COL4A6: variants seen among roughly 807,000 people sequenced by gnomAD.
The protein encoded by COL4A6 is collagen alpha-6(IV) chain.
In COL4A6, 59 loss-of-function variants were observed where a neutral mutation model predicts 126.7. The ratio of observed to expected loss-of-function variants is 0.47; its 90% CI spans 0.38 to 0.58. The LOEUF is 0.58. COL4A6 is among the 20% of genes least tolerant of loss of function. The pLI, the probability that COL4A6 is intolerant of heterozygous loss-of-function variation, is 0.00. For missense variants in COL4A6, 1,285 were observed against 1,337.3 expected, an observed-to-expected ratio of 0.96 and a Z score of 0.61; for synonymous variants, 547 against 496.6, an observed-to-expected ratio of 1.10 and a Z score of -1.35.
intron 3 of COL4A6, among the ~76,000 whole-genome samples, chrX:108,245,811 A>G (rs1383683057): frequency 8.9e-6 from 1 of 111,960 alleles, no homozygotes; most frequent in East Asian, 2.8e-4. Flanking sequence ...TCTGAGATGC[A>G]ACTCAAATGA....
intron 28 of COL4A6, among the ~76,000 whole-genome samples, 194 bp from the exon 29 acceptor site, chrX:108,175,991 C>A (rs2034474262): frequency 9.0e-6 from 1 of 110,649 alleles, no homozygotes; most frequent in Non-Finnish European, 1.9e-5. Context: ...TACTACCTTC[C>A]TGAATAGGGA....
At chrX:108,402,644 C>G (rs2148210650) in intron 2 of COL4A6, among the ~76,000 whole-genome samples, 1 of 110,907 alleles carries the variant, frequency 9.0e-6, no homozygotes, top group South Asian at 3.8e-4. Flanking sequence ...GTATAAATCT[C>G]ATTACATGCT....
chrX:108,387,451 C>G (rs2040726794), intron 2 of COL4A6, among the ~76,000 whole-genome samples: 3 of 111,221 alleles, frequency 2.7e-5, no homozygotes, highest in Admixed American at 9.6e-5. Context: ...AGTTGGATTC[C>G]TAGGTATTTT....
At chrX:108,265,987 T>C (rs1326475435) in intron 3 of COL4A6, among the ~76,000 whole-genome samples, 1 of 111,468 alleles carries the variant, frequency 9.0e-6, no homozygotes, top group Non-Finnish European at 1.9e-5. Context: ...CAGAACTATA[T>C]GTACTATAGA....
intron 2 of COL4A6, among the ~76,000 whole-genome samples, chrX:108,348,035 G>A (rs147737002): frequency 3.8e-3 from 420 of 111,214 alleles, no homozygotes; most frequent in Non-Finnish European, 6.1e-3. Flanking sequence ...GATGACCTCG[G>A]GTCTCAGAGG....
At chrX:108,248,347 G>T (rs1471528159) in intron 3 of COL4A6, among the ~76,000 whole-genome samples, 1 of 111,312 alleles carries the variant, frequency 9.0e-6, no homozygotes, top group East Asian at 2.8e-4. Context: ...ACTTCACTCT[G>T]TGGTCTGAAG....
intron 3 of COL4A6, among the ~76,000 whole-genome samples, chrX:108,302,219 A>C (rs951302205): frequency 8.9e-6 from 1 of 111,798 alleles, no homozygotes; most frequent in Non-Finnish European, 1.9e-5. Flanking sequence ...ACAATAAATA[A>C]AAAGTGTAAA....
intron 2 of COL4A6, among the ~76,000 whole-genome samples, chrX:108,357,579 A>G (rs1331571504): frequency 9.0e-6 from 1 of 111,422 alleles, no homozygotes; most frequent in East Asian, 2.8e-4. Flanking sequence ...ACTGAATCCA[A>G]CTTCCTTACC....
chrX:108,402,173 T>C (rs1178335171), intron 2 of COL4A6, among the ~76,000 whole-genome samples: 1 of 111,392 alleles, frequency 9.0e-6, no homozygotes, highest in Non-Finnish European at 1.9e-5. Flanking sequence ...CTGGAAAATC[T>C]GTATAAAGAC....
At chrX:108,175,256 G>T in intron 29 of COL4A6, 41 bp from the exon 30 acceptor site, 1 of 1,127,080 alleles carries the variant, frequency 8.9e-7, no homozygotes, top group South Asian at 2.3e-5. Flanking sequence ...GAGCTTAGAC[G>T]CAGGGTCAGG....
intron 35 of COL4A6, 111 bp from the exon 36 acceptor site, chrX:108,170,127 T>G (rs955763372): frequency 4.6e-6 from 3 of 648,924 alleles, no homozygotes; most frequent in Non-Finnish European, 7.2e-6. Flanking sequence ...TTTAAAGTCC[T>G]GGTCTTTTTT....
At chrX:108,159,885 T>C in intron 43 of COL4A6, 137 bp from the exon 44 acceptor site, 2 of 644,441 alleles carry the variant, frequency 3.1e-6, no homozygotes, top group Admixed American at 5.0e-5. Flanking sequence ...ACATTGTACA[T>C]GTGCTGAAGT....
chrX:108,218,386 A>G (rs1329167922), intron 5 of COL4A6, among the ~76,000 whole-genome samples: 2 of 112,476 alleles, frequency 1.8e-5, no homozygotes, highest in Non-Finnish European at 3.8e-5. Flanking sequence ...AGGATGGCCA[A>G]CCCTGTCCGC....
chrX:108,224,617 A>T (rs1473871284), intron 3 of COL4A6, among the ~76,000 whole-genome samples: 1 of 111,384 alleles, frequency 9.0e-6, no homozygotes, highest in East Asian at 2.8e-4. Context: ...GTCCTTTCAT[A>T]CACTGGCACA....
At chrX:108,322,337 G>C (rs1181390871) in intron 2 of COL4A6, among the ~76,000 whole-genome samples, 4 of 112,036 alleles carry the variant, frequency 3.6e-5, no homozygotes, top group Non-Finnish European at 7.5e-5. Flanking sequence ...ATCTGTGGGA[G>C]CTGGCTTCCT....
chrX:108,160,699 A>T, intron 42 of COL4A6, 45 bp from the exon 43 acceptor site: 22 of 1,077,027 alleles, frequency 2.0e-5, no homozygotes, highest in Non-Finnish European at 2.8e-5. Flanking sequence ...GCAGCTAATG[A>T]CAACATCAGC....
intron 2 of COL4A6, among the ~76,000 whole-genome samples, chrX:108,387,643 C>T (rs753133645): frequency 2.7e-4 from 30 of 111,861 alleles, no homozygotes; most frequent in Non-Finnish European, 4.7e-4. Flanking sequence ...TCTAAATATA[C>T]AATCATGTCA....
intron 3 of COL4A6, among the ~76,000 whole-genome samples, chrX:108,227,554 G>T (rs181230860): frequency 9.1e-6 from 1 of 110,185 alleles, no homozygotes; most frequent in African/African-American, 3.3e-5. Flanking sequence ...CCTGGGGCAG[G>T]GTGGGGGGGC....
chrX:108,375,914 C>A, intron 2 of COL4A6, among the ~76,000 whole-genome samples: 1 of 110,778 alleles, frequency 9.0e-6, no homozygotes, highest in African/African-American at 3.3e-5. Flanking sequence ...TGTTGCCTAC[C>A]CACCTAAATA....
Sources: gnomAD v4.1 joint callset for allele counts (sites outside exome capture counted in the v4.1 genomes callset) on GRCh38, gnomAD v4.1.1 for gene constraint, MANE v1.5 for transcripts, NCBI Gene and HGNC (gene_info 2026-07-23, HGNC 2026-07-21) for gene names.